DNAJC24: variants seen among roughly 807,000 people sequenced by gnomAD.
DNAJC24 encodes dnaJ homolog subfamily C member 24.
DNAJC24 carries 17 observed loss-of-function variants against 18.0 expected under a neutral mutation model. That is an observed-to-expected ratio of 0.94 (90% CI 0.65 to 1.42). DNAJC24 has a LOEUF of 1.42. Ranked by LOEUF, DNAJC24 falls within the 40% of genes most tolerant of loss-of-function variation. The pLI is 0.00. For missense variants in DNAJC24, 158 were observed against 175.6 expected, an observed-to-expected ratio of 0.90 and a Z score of 0.57; for synonymous variants, 55 against 57.7, an observed-to-expected ratio of 0.95 and a Z score of 0.21.
chr11:31,401,949 C>T (rs377260539), intron 2 of DNAJC24, among the ~76,000 whole-genome samples: 3 of 152,286 alleles, frequency 2.0e-5, no homozygotes, highest in East Asian at 3.9e-4. Context: ...CGTTACATTA[C>T]GGAGCCAAAT....
At chr11:31,397,866 G>A (rs373555555) in intron 2 of DNAJC24, among the ~76,000 whole-genome samples, 32 of 149,208 alleles carry the variant, frequency 2.1e-4, no homozygotes, top group Admixed American at 1.8e-3. Flanking sequence ...AGGCTGGTGC[G>A]ATCTCAGCTC....
chr11:31,407,909 TA>T (rs913805166), intron 2 of DNAJC24, among the ~76,000 whole-genome samples: 276 of 145,122 alleles, frequency 1.9e-3, no homozygotes, highest in East Asian at 3.6e-3. Flanking sequence ...GCCCCTCTCT[TA>T]AAAAAAAAAA....
rs547289579 is a variant in DNAJC24, at chr11:31,421,487, A to G, written c.251-4800A>G. Among the ~76,000 whole-genome samples the G allele has an allele frequency of 2.0e-5, 3 of 152,346 alleles. No individual in the cohort carries two copies. The South Asian group carries it at 6.2e-4, about 32-fold the overall frequency. On this transcript the variant is annotated intron_variant, in intron 3 of 4. Transcript: ENST00000465995. ...TGTGAATAACATGGCATTGCCGCAC[A>G]TGAATATTATGGACAGAGCTGCAGG...
intron 2 of DNAJC24, among the ~76,000 whole-genome samples, chr11:31,406,398 A>G (rs915529753): frequency 6.6e-6 from 1 of 152,210 alleles, no homozygotes; most frequent in Non-Finnish European, 1.5e-5. Flanking sequence ...TTTGGGGAAA[A>G]TATTAAACAC....
chr11:31,402,313 A>G (rs1952607841), intron 2 of DNAJC24, among the ~76,000 whole-genome samples: 1 of 152,158 alleles, frequency 6.6e-6, no homozygotes, highest in East Asian at 1.9e-4. Flanking sequence ...TAGGGTCCAT[A>G]CCATCAATAG....
intron 4 of DNAJC24, among the ~76,000 whole-genome samples, chr11:31,429,160 G>C (rs914956943): frequency 7.9e-5 from 12 of 151,808 alleles, no homozygotes; most frequent in African/African-American, 2.9e-4. Flanking sequence ...TGTATGGAGA[G>C]CAAAGGCATT....
At chr11:31,402,177 T>C (rs1952606817) in intron 2 of DNAJC24, among the ~76,000 whole-genome samples, 2 of 152,194 alleles carry the variant, frequency 1.3e-5, no homozygotes, top group Admixed American at 1.3e-4. Flanking sequence ...ACCTATACAA[T>C]ATGTTAGTGT....
chr11:31,385,290 G>A (rs1174360073), intron 2 of DNAJC24, among the ~76,000 whole-genome samples: 1 of 152,110 alleles, frequency 6.6e-6, no homozygotes, highest in Non-Finnish European at 1.5e-5. Context: ...CCAGATACAT[G>A]AGTAGATTTT....
intron 3 of DNAJC24, among the ~76,000 whole-genome samples, chr11:31,423,877 C>T (rs765057596): frequency 6.6e-6 from 1 of 152,054 alleles, no homozygotes; most frequent in Non-Finnish European, 1.5e-5. Context: ...TCATATTTAC[C>T]ATGAGATATG....
chr11:31,403,163 CATT>C (rs1952619347), intron 2 of DNAJC24, among the ~76,000 whole-genome samples: 1 of 129,650 alleles, frequency 7.7e-6, no homozygotes, highest in Non-Finnish European at 1.6e-5. Context: ...GTGTGTGTAT[CATT>C]CTTCTTCATG....
chr11:31,385,198 C>G (rs1952416101), intron 2 of DNAJC24: 2 of 152,114 alleles, frequency 1.3e-5, no homozygotes, highest in Non-Finnish European at 2.9e-5. Flanking sequence ...AAGCATTCAA[C>G]TGGAGCAATT....
intron 2 of DNAJC24, chr11:31,408,436 C>T (rs566187171): frequency 7.8e-4 from 211 of 270,534 alleles, no homozygotes; most frequent in African/African-American, 4.2e-3. Context: ...TTGTGACAGT[C>T]ACTCTGGAAT....
At chr11:31,380,438 T>G (rs1478383407) in intron 2 of DNAJC24, among the ~76,000 whole-genome samples, 1 of 152,224 alleles carries the variant, frequency 6.6e-6, no homozygotes, top group African/African-American at 2.4e-5. Context: ...TAGAATTTCC[T>G]TATGATTTGG....
rs372773472 is a variant in DNAJC24 at position 31,370,701 on chromosome 11, A to G, written c.-33-15A>G. 6.1e-4 allele frequency: 776 copies of G among 1,269,992 alleles called. 1 individual carries two copies. The highest frequency in any genetic ancestry group is 5.7e-3 in the Middle Eastern group (30 of 5,244). The allele number at this position is 1,269,992 out of a possible 1,614,324, so 78.7% of individuals were successfully genotyped here. A position where few individuals can be genotyped will look rare whatever the true frequency, so the allele number is the denominator to read the frequency against. ...TGGCAAACTGTGATGAATTGTCATT[A>G]ATATTTCTATTCAGCTAATCTGAGA... On this transcript the variant is annotated splice_polypyrimidine_tract_variant and intron_variant, in intron 1 of 4. Coordinates refer to ENST00000465995, the MANE Select transcript of DNAJC24 (RefSeq NM_181706.5).
At chr11:31,409,732 G>A (rs998237294) in intron 2 of DNAJC24, among the ~76,000 whole-genome samples, 2 of 151,980 alleles carry the variant, frequency 1.3e-5, no homozygotes, top group African/African-American at 2.4e-5. Context: ...GAATCTTTTC[G>A]TGGATGTGTG....
At chr11:31,387,121 G>A (rs972076673) in intron 2 of DNAJC24, among the ~76,000 whole-genome samples, 5 of 152,198 alleles carry the variant, frequency 3.3e-5, no homozygotes, top group African/African-American at 9.6e-5. Flanking sequence ...TTCCAACTCC[G>A]GGCCCTGGTC....
Position 31,430,378 on chromosome 11 carries a change from A to G in DNAJC24, c.427A>G (p.Ile143Val). 1 of 1,605,208 alleles carries G rather than the reference A, an allele frequency of 6.2e-7. No individual in the cohort carries two copies. Among genetic ancestry groups the G allele is most frequent in the Non-Finnish European group, 8.5e-7 (1 of 1,174,312 alleles). The change falls in exon 5 of 5, where the codon ATA (isoleucine) becomes GTA (valine). Residue 143 changes from isoleucine (I) to valine (V), a missense_variant. Ile to Val is a conservative substitution (Grantham distance 29). Coordinates refer to ENST00000465995, the MANE Select transcript of DNAJC24 (RefSeq NM_181706.5). Reference sequence around the variant, plus strand: ...TTCTTGTGATACATGTTCACTAATTATAGAACTCCTTCATTATAACTAAAA... The same window carrying G: ...TTCTTGTGATACATGTTCACTAATTGTAGAACTCCTTCATTATAACTAAAA... The part of the protein sequence containing the change: ...LISCDTCSLI[I>V]ELLHYN
intron 2 of DNAJC24, among the ~76,000 whole-genome samples, chr11:31,405,152 C>T (rs1166836345): frequency 6.7e-6 from 1 of 150,318 alleles, no homozygotes; most frequent in Non-Finnish European, 1.5e-5. Flanking sequence ...TCACTGCAAC[C>T]TCCGCTTCCC....
chr11:31,395,354 A>T (rs1289053993), intron 2 of DNAJC24, among the ~76,000 whole-genome samples: 1 of 152,094 alleles, frequency 6.6e-6, no homozygotes, highest in Admixed American at 6.6e-5. Flanking sequence ...GAACATACAC[A>T]TCCATGTCCT....
Sources: gnomAD v4.1 joint callset for allele counts (sites outside exome capture counted in the v4.1 genomes callset) on GRCh38, gnomAD v4.1.1 for gene constraint, MANE v1.5 for transcripts, NCBI Gene and HGNC (gene_info 2026-07-23, HGNC 2026-07-21) for gene names.